PRSS3: variants seen among roughly 807,000 people sequenced by gnomAD.
PRSS3 encodes the protein trypsin-3.
PRSS3 carries 14 observed loss-of-function variants against 20.8 expected under a neutral mutation model. The observed-to-expected ratio is 0.67, with a 90% CI of 0.44 to 1.05. The LOEUF is 1.05. Among genes scored for constraint, PRSS3 ranks in the 50% least tolerant of loss-of-function variants. The pLI is 0.00. For synonymous variants in PRSS3, 91 were observed against 117.6 expected (o/e 0.77, Z 1.46); for missense variants, 237 against 306.4 (o/e 0.77, Z 1.69).
At chr9:33,790,109 C>T (rs1186349328) in intron 1 of PRSS3, among the ~76,000 whole-genome samples, 4 of 152,130 alleles carry the variant, frequency 2.6e-5, no homozygotes, top group Admixed American at 6.5e-5. Flanking sequence ...AAGTATGACC[C>T]GCTCTCAGAA....
chr9:33,775,446 G>A (rs1307295376), intron 1 of PRSS3, among the ~76,000 whole-genome samples: 3 of 152,216 alleles, frequency 2.0e-5, no homozygotes, highest in African/African-American at 7.2e-5. Context: ...GCTAGCTTGA[G>A]GTTGCAGCCC....
intron 1 of PRSS3, among the ~76,000 whole-genome samples, chr9:33,757,196 G>A (rs190345894): frequency 6.7e-6 from 1 of 149,852 alleles, no homozygotes; most frequent in African/African-American, 2.4e-5. Context: ...ATGTGTCCTT[G>A]ACTCTGCCTC....
chr9:33,754,442 C>T (rs1157170120), intron 1 of PRSS3, among the ~76,000 whole-genome samples: 4 of 152,094 alleles, frequency 2.6e-5, no homozygotes, highest in African/African-American at 9.7e-5. Flanking sequence ...TCTTACATGT[C>T]ATTGGCCAGA....
In PRSS3 at chr9:33,750,718, C is replaced by G; in HGVS notation, c.-62C>G. The G allele has an allele frequency of 6.9e-7, 1 of 1,446,388 alleles. No homozygotes were observed. The highest frequency in any genetic ancestry group is 1.5e-5 in the South Asian group (1 of 68,184). 89.6% of individuals were successfully genotyped at this position (1,446,388 alleles called of 1,614,324 possible). On this transcript the variant is annotated 5_prime_UTR_variant, in exon 1 of 6. Coordinates refer to the PRSS3 transcript ENST00000342836. The surrounding 1 kb of genome is among the most constrained non-coding windows in gnomAD (Gnocchi z 4.8). ...GCGGGATGCAGACGGCTGCGAGGCG[C>G]TGGGCACAGGTCAGACGTCAGTACC...
intron 1 of PRSS3, among the ~76,000 whole-genome samples, chr9:33,768,384 G>A (rs2890529): frequency 0.37 from 55,739 of 151,586 alleles, 10,401 homozygotes; most frequent in African/African-American, 0.42. Context: ...GGAGGCTGAG[G>A]CAGAAGAATT....
At chr9:33,780,896 T>A (rs1358588953) in intron 1 of PRSS3, among the ~76,000 whole-genome samples, 2 of 152,180 alleles carry the variant, frequency 1.3e-5, no homozygotes, top group Non-Finnish European at 2.9e-5. Flanking sequence ...AAGTTCTTCT[T>A]GGCCTATGAA....
intron 2 of PRSS3, among the ~76,000 whole-genome samples, chr9:33,797,507 C>T (rs567933412): frequency 6.6e-5 from 10 of 152,180 alleles, no homozygotes; most frequent in Non-Finnish European, 1.0e-4. Flanking sequence ...GGGAAAACTA[C>T]GAGGAGCTCT....
chr9:33,786,822 T>C (rs1461333446), intron 1 of PRSS3: 9 of 750,376 alleles, frequency 1.2e-5, no homozygotes, highest in East Asian at 2.4e-5. Context: ...CTCTGCAGCG[T>C]TGAAGACACA....
chr9:33,796,803 G>C lies in PRSS3; in HGVS notation c.200+1G>C. ...TATCAGCAGCTCACTGCTACAAGAC[G>C]TAAGTGTGGGGCCCCTGACTGCAAA... On this transcript the variant is annotated splice_donor_variant, in intron 2 of 4. Coordinates refer to ENST00000379405, the MANE Select transcript of PRSS3 (RefSeq NM_002771.4). LOFTEE classifies it high-confidence loss of function. 3 of 1,594,108 alleles carry C rather than the reference G, an allele frequency of 1.9e-6. No homozygotes were observed. The highest frequency in any genetic ancestry group is 2.6e-6 in the Non-Finnish European group (3 of 1,169,326).
chr9:33,759,685 C>T (rs1823097555), intron 1 of PRSS3, among the ~76,000 whole-genome samples: 1 of 152,182 alleles, frequency 6.6e-6, no homozygotes, highest in Non-Finnish European at 1.5e-5. Flanking sequence ...GCATGTCTGT[C>T]TATTCAGCAG....
rs1824965510 is a variant in PRSS3 at position 33,796,722 on chromosome 9, C to T, written c.120C>T (p.Ser40=). 1.2e-6 allele frequency: 2 copies of T among 1,613,988 alleles called. No individual in the cohort carries two copies. The highest frequency in any genetic ancestry group is 3.3e-5 in the Admixed American group (2 of 60,022). The change falls in exon 2 of 5, where the codon TCC becomes TCT. Residue 40 remains serine, a synonymous_variant. Transcript: ENST00000379405. ...AGAATTCTCTCCCCTACCAGGTGTC[C>T]CTGAATTCTGGCTCCCACTTCTGCG... The part of the protein sequence containing the change: ...CEENSLPYQV[S]LNSGSHFCGG...
intron 1 of PRSS3, among the ~76,000 whole-genome samples, chr9:33,777,531 C>CAAAAAAAAAAAAAAAAA (rs74180503): frequency 9.8e-6 from 1 of 101,858 alleles, no homozygotes; most frequent in Non-Finnish European, 1.9e-5. Context: ...CTAAAAATAC[C>CAAAAAAAAAAAAAAAAA]AAAAAAAAAA....
chr9:33,790,028 G>A (rs1050149283), intron 1 of PRSS3, among the ~76,000 whole-genome samples: 2 of 152,146 alleles, frequency 1.3e-5, no homozygotes, highest in African/African-American at 4.8e-5. Context: ...TGCAATTAGT[G>A]TAGTTGCTAC....
intron 1 of PRSS3, among the ~76,000 whole-genome samples, chr9:33,775,274 T>C (rs1387518040): frequency 1.3e-5 from 2 of 152,140 alleles, no homozygotes; most frequent in Non-Finnish European, 2.9e-5. Context: ...GCTCAGCCAA[T>C]GACTTTTAAG....
At chr9:33,751,867 C>A (rs10971679) in intron 1 of PRSS3, among the ~76,000 whole-genome samples, 35,955 of 151,992 alleles carry the variant, frequency 0.24, 4,386 homozygotes, top group Middle Eastern at 0.26. Context: ...TCAGACTTAG[C>A]TCTTCGTGAC....
intron 1 of PRSS3, among the ~76,000 whole-genome samples, chr9:33,771,262 T>G (rs1184850322): frequency 6.6e-6 from 1 of 151,866 alleles, no homozygotes; most frequent in African/African-American, 2.4e-5. Flanking sequence ...CTCCACCACA[T>G]GTAGATGGGG....
chr9:33,775,159 G>T (rs752205583), intron 1 of PRSS3, among the ~76,000 whole-genome samples: 4 of 151,714 alleles, frequency 2.6e-5, no homozygotes, highest in Admixed American at 6.6e-5. Flanking sequence ...TTGACAAAAT[G>T]CAGGCAAAAA....
chr9:33,787,745 G>A (rs1824471231), intron 1 of PRSS3, among the ~76,000 whole-genome samples: 1 of 152,190 alleles, frequency 6.6e-6, no homozygotes, highest in African/African-American at 2.4e-5. Flanking sequence ...CCCAGTAAGA[G>A]AATCACAAGG....
chr9:33,753,552 C>T (rs55852423), intron 1 of PRSS3, among the ~76,000 whole-genome samples: 8,374 of 152,234 alleles, frequency 0.055, 280 homozygotes, highest in Middle Eastern at 0.095. Flanking sequence ...CAAACATAAC[C>T]TCCCTGAATC....
Sources: gnomAD v4.1 joint callset for allele counts (sites outside exome capture counted in the v4.1 genomes callset) on GRCh38, gnomAD v4.1.1 for gene constraint, Gnocchi (gnomAD v3.1) non-coding constraint, MANE v1.5 for transcripts, NCBI Gene and HGNC (gene_info 2026-07-23, HGNC 2026-07-21) for gene names.